The following TANC1 variants were observed in gnomAD, a reference collection of about 807,000 sequenced individuals.
TANC1 encodes the protein tetratricopeptide repeat, ankyrin repeat and coiled-coil containing 1, also known as protein TANC1.
TANC1 carries 77 observed loss-of-function variants against 149.7 expected under a neutral mutation model. The observed-to-expected ratio is 0.51, with a 90% confidence interval of 0.43 to 0.62. TANC1 has a LOEUF of 0.62. Ranked by LOEUF, TANC1 falls within the 20% of genes least tolerant of loss-of-function variation. The pLI, the probability that TANC1 is intolerant of heterozygous loss-of-function variation, is 0.00. For synonymous variants in TANC1, 854 were observed against 925.0 expected, an observed-to-expected ratio of 0.92 and a Z score of 1.39; for missense variants, 1,985 against 2,321.8, an observed-to-expected ratio of 0.85 and a Z score of 2.98.
At chr2:159,193,314 A>G (rs1023739553) in intron 16 of TANC1, among the ~76,000 whole-genome samples, 21 of 152,202 alleles carry the variant, frequency 1.4e-4, no homozygotes, top group Non-Finnish European at 7.4e-5. Flanking sequence ...CTTTTTAAGC[A>G]GGAATAATCC....
chr2:159,130,138 T>C (rs913554320), intron 4 of TANC1, among the ~76,000 whole-genome samples: 1 of 149,752 alleles, frequency 6.7e-6, no homozygotes, highest in Non-Finnish European at 1.5e-5. Flanking sequence ...TTGTTCTCGT[T>C]GTTGTTGTTG....
At position 159,194,511 on chromosome 2, in the gene TANC1, C is replaced by T; in HGVS notation, c.2979+18C>T. The T allele has an allele frequency of 6.2e-7, 1 of 1,601,630 alleles. No homozygotes were observed. Among genetic ancestry groups the T allele is most frequent in the Non-Finnish European group, 8.6e-7 (1 of 1,168,842 alleles). On this transcript the variant is annotated intron_variant, in intron 17 of 26. Transcript: ENST00000263635. Reference sequence around the variant, plus strand: ...GAGTGAGAGTAAGCGGCAGCCTGCTCTTTTGGGGCTGGGGCAGGGAAATGG... The same window carrying T: ...GAGTGAGAGTAAGCGGCAGCCTGCTTTTTTGGGGCTGGGGCAGGGAAATGG...
At chr2:159,196,377 T>A (rs1434846852) in intron 17 of TANC1, among the ~76,000 whole-genome samples, 1 of 151,846 alleles carries the variant, frequency 6.6e-6, no homozygotes, top group African/African-American at 2.4e-5. Context: ...GTAAGGAGGG[T>A]GTTTTGTGAC....
chr2:158,969,749 A>C (rs1326371018), intron 1 of TANC1, among the ~76,000 whole-genome samples: 1 of 152,192 alleles, frequency 6.6e-6, no homozygotes, highest in Non-Finnish European at 1.5e-5. Flanking sequence ...CTCCGGGAGG[A>C]AATGTGGCGT....
At chr2:159,100,217 C>G (rs908611015) in intron 4 of TANC1, among the ~76,000 whole-genome samples, 5 of 152,130 alleles carry the variant, frequency 3.3e-5, no homozygotes, top group Admixed American at 3.3e-4. Context: ...TGGGGAAAAC[C>G]TGAGAGACTT....
intron 2 of TANC1, among the ~76,000 whole-genome samples, chr2:159,032,072 TG>T (rs2039825898): frequency 6.6e-6 from 1 of 152,234 alleles, no homozygotes; most frequent in Admixed American, 6.5e-5. Flanking sequence ...CAGATTGAAC[TG>T]GCAAAGATTC....
rs2052457649 is a variant in TANC1 at position 159,148,898 on chromosome 2, A to G, written c.365-244A>G. On this transcript the variant is annotated intron_variant, in intron 5 of 26. Transcript: ENST00000263635. ...ACTCGGAATTAGGAATTGCCGTCAGATAACACTGGGCTCTTCTCACTCACC... is the reference window on the plus strand; with the variant it reads ...ACTCGGAATTAGGAATTGCCGTCAGGTAACACTGGGCTCTTCTCACTCACC... 3 of 352,362 alleles carry G rather than the reference A, an allele frequency of 8.5e-6. No individual in the cohort carries two copies. In the South Asian group the frequency reaches 2.6e-4, roughly 31 times the overall value. 21.8% of individuals were successfully genotyped at this position (352,362 alleles called of 1,614,324 possible). A position where few individuals can be genotyped will look rare whatever the true frequency, so the allele number is the denominator to read the frequency against.
intron 2 of TANC1, among the ~76,000 whole-genome samples, chr2:159,003,112 C>G (rs1311692398): frequency 6.6e-6 from 1 of 152,150 alleles, no homozygotes; most frequent in Non-Finnish European, 1.5e-5. Context: ...GGTTTTTAAC[C>G]CCTGTAGCTG....
intron 4 of TANC1, among the ~76,000 whole-genome samples, chr2:159,130,781 A>C (rs1201596022): frequency 6.6e-6 from 1 of 151,858 alleles, no homozygotes; most frequent in African/African-American, 2.4e-5. Flanking sequence ...GCAGCCTCGA[A>C]CTCCTGGGCT....
rs35821529 is a variant in TANC1, at chr2:158,984,115, A to G, written c.-126+15333A>G. ...TCTCAGAATGAACTTGATTCCCTAC[A>G]GACTTCAAGTCAAGTGGTACTTGAG... On this transcript the variant is annotated intron_variant, in intron 1 of 26. Transcript: ENST00000263635. 5.6e-3 allele frequency among the ~76,000 whole-genome samples: 859 copies of G among 152,334 alleles called. 10 individuals carry two copies. Among genetic ancestry groups the G allele is most frequent in the African/African-American group, 0.02 (817 of 41,562 alleles).
At chr2:159,086,143 T>C (rs760342036) in intron 3 of TANC1, among the ~76,000 whole-genome samples, 1 of 152,112 alleles carries the variant, frequency 6.6e-6, no homozygotes, top group Non-Finnish European at 1.5e-5. Flanking sequence ...TCATTTCTCA[T>C]GTCACCTTCA....
intron 7 of TANC1, among the ~76,000 whole-genome samples, chr2:159,155,758 CAG>C (rs1575001278): frequency 6.6e-6 from 1 of 152,228 alleles, no homozygotes; most frequent in African/African-American, 2.4e-5. Context: ...TGCATTTAGA[CAG>C]GGGAATACCT....
At chr2:159,215,504 G>T (rs1575311349) in intron 19 of TANC1, among the ~76,000 whole-genome samples, 1 of 152,204 alleles carries the variant, frequency 6.6e-6, no homozygotes, top group Non-Finnish European at 1.5e-5. Context: ...GGGCATTATT[G>T]TAGGCACCAG....
intron 2 of TANC1, among the ~76,000 whole-genome samples, chr2:159,029,295 G>A (rs761317405): frequency 7.9e-5 from 12 of 152,144 alleles, no homozygotes; most frequent in Non-Finnish European, 1.6e-4. Flanking sequence ...GAATAATGCT[G>A]CAATGAACAT....
At chr2:159,060,198 A>T in intron 2 of TANC1, 1 of 340,924 alleles carries the variant, frequency 2.9e-6, no homozygotes, top group Non-Finnish European at 4.2e-6. Context: ...CAAAGAAGAA[A>T]AATGTCTTAA....
At chr2:159,006,183 G>A (rs937409296) in intron 2 of TANC1, among the ~76,000 whole-genome samples, 11 of 151,514 alleles carry the variant, frequency 7.3e-5, no homozygotes, top group African/African-American at 2.7e-4. Context: ...TGTAGTCCCA[G>A]CTACTCCGGA....
Position 159,230,732 on chromosome 2 carries a change from A to AG in TANC1, c.5307dup (p.Pro1770AlafsTer10). 2 of 1,614,214 alleles carry AG rather than the reference A, an allele frequency of 1.2e-6. No homozygotes were observed. Among genetic ancestry groups the AG allele is most frequent in the Non-Finnish European group, 1.7e-6 (2 of 1,180,030 alleles). ...GGCCTGCAGTCTGCTAACACTGAGA[A>AG]GCCCTCTCTCATGCAAGTGGGAGGA... On this transcript the variant is annotated frameshift_variant, in exon 27 of 27. Coordinates refer to ENST00000263635, the MANE Select transcript of TANC1 (RefSeq NM_033394.3). LOFTEE classifies it high-confidence loss of function. The surrounding 1 kb of genome is among the most constrained non-coding windows in gnomAD (Gnocchi z 4.4).
At chr2:159,018,743 G>A (rs531311456) in intron 2 of TANC1, among the ~76,000 whole-genome samples, 79 of 151,226 alleles carry the variant, frequency 5.2e-4, no homozygotes, top group African/African-American at 1.8e-3. Flanking sequence ...TCTCATATTC[G>A]TCCCTTTGTG....
chr2:159,096,656 C>G (rs955727942), intron 3 of TANC1, among the ~76,000 whole-genome samples: 6 of 152,130 alleles, frequency 3.9e-5, no homozygotes, highest in Non-Finnish European at 8.8e-5. Context: ...TTCTGACTGA[C>G]TGTTTTAAAG....
Sources: gnomAD v4.1 joint callset for allele counts (sites outside exome capture counted in the v4.1 genomes callset) on GRCh38, gnomAD v4.1.1 for gene constraint, Gnocchi (gnomAD v3.1) non-coding constraint, MANE v1.5 for transcripts, NCBI Gene and HGNC (gene_info 2026-07-23, HGNC 2026-07-21) for gene names.